KAZN: variants seen among roughly 807,000 people sequenced by gnomAD.
The protein encoded by KAZN is kazrin, periplakin interacting protein.
Under a neutral mutation model 87.4 loss-of-function variants are expected in KAZN, and 40 were observed. That is an observed-to-expected ratio of 0.46 (90% CI 0.36 to 0.60). KAZN has a LOEUF of 0.60. Ranked by LOEUF, KAZN falls within the 20% of genes least tolerant of loss-of-function variation. The pLI is 0.00. For synonymous variants in KAZN, 466 were observed against 458.3 expected, an observed-to-expected ratio of 1.02 and a Z score of -0.22; for missense variants, 898 against 1,073.9, an observed-to-expected ratio of 0.84 and a Z score of 2.29.
At chr1:14,653,601 C>T (rs1557866247) in intron 1 of KAZN, among the ~76,000 whole-genome samples, 1 of 152,108 alleles carries the variant, frequency 6.6e-6, no homozygotes, top group Non-Finnish European at 1.5e-5. Context: ...GGATGAAAAA[C>T]AAAAAACACT....
chr1:14,216,411 G>T (rs79800340), intron 2 of KAZN, among the ~76,000 whole-genome samples: 30 of 152,284 alleles, frequency 2.0e-4, no homozygotes, highest in African/African-American at 7.0e-4. Context: ...AAACTGTTGA[G>T]AGCAGGACCC....
intron 4 of KAZN, among the ~76,000 whole-genome samples, chr1:15,046,705 A>G (rs758841388): frequency 3.9e-5 from 6 of 152,210 alleles, no homozygotes; most frequent in East Asian, 3.9e-4. Flanking sequence ...TCCTTGTCCA[A>G]TGCTGACCCC....
At chr1:14,318,943 A>G (rs899100362) in intron 2 of KAZN, among the ~76,000 whole-genome samples, 3 of 151,788 alleles carry the variant, frequency 2.0e-5, no homozygotes, top group Non-Finnish European at 4.4e-5. Context: ...GTTAAAAACA[A>G]CTTTTAAAAT....
At chr1:14,300,451 G>C (rs1654466613) in intron 2 of KAZN, among the ~76,000 whole-genome samples, 1 of 152,038 alleles carries the variant, frequency 6.6e-6, no homozygotes, top group Non-Finnish European at 1.5e-5. Flanking sequence ...AGCCAGGCTG[G>C]TCTCAAACTC....
rs537395223 is a variant in KAZN at position 14,585,661 on chromosome 1, T to G, written c.250-13322T>G. Reference sequence around the variant, plus strand: ...GGAAAGGTACTCCACCTACTTCAAGTAACGAGGCAAAAGGCAAGATAGATG... The same window carrying G: ...GGAAAGGTACTCCACCTACTTCAAGGAACGAGGCAAAAGGCAAGATAGATG... On this transcript the variant is annotated intron_variant, in intron 2 of 16. Transcript: ENST00000636203. Among the ~76,000 whole-genome samples, 7 of 152,084 alleles carry G rather than the reference T, an allele frequency of 4.6e-5. No individual in the cohort carries two copies. The South Asian group carries it at 1.5e-3, about 32-fold the overall frequency.
chr1:14,675,343 G>T (rs531864233), intron 1 of KAZN, among the ~76,000 whole-genome samples: 1 of 152,240 alleles, frequency 6.6e-6, no homozygotes, highest in African/African-American at 2.4e-5. Flanking sequence ...GAGAGGGCCC[G>T]CAGGGCAACC....
intron 2 of KAZN, among the ~76,000 whole-genome samples, chr1:14,349,675 C>T (rs1658378045): frequency 6.6e-6 from 1 of 152,148 alleles, no homozygotes; most frequent in Admixed American, 6.5e-5. Context: ...ATGAAAGAAA[C>T]AGCCCTACAG....
At position 14,841,265 on chromosome 1, in the gene KAZN, C is replaced by CGTG. The variant is rs778290135; in HGVS notation, c.227-119411_227-119409dup. 1.2e-3 allele frequency among the ~76,000 whole-genome samples: 187 copies of CGTG among 151,772 alleles called. 2 individuals are homozygous for CGTG. In the Middle Eastern group the frequency reaches 0.034, roughly 28 times the overall value. On this transcript the variant is annotated intron_variant, in intron 1 of 14. Coordinates refer to ENST00000376030, the MANE Select transcript of KAZN (RefSeq NM_201628.3). ...CTAAAAATGCAAAAAGTTAGCCAGG[C>CGTG]GTGGTGGTGGGTGCCTATGGTCCCA...
intron 5 of KAZN, among the ~76,000 whole-genome samples, chr1:15,059,847 C>T (rs1282240047): frequency 6.6e-6 from 1 of 152,142 alleles, no homozygotes; most frequent in East Asian, 1.9e-4. Flanking sequence ...AAACATCAAG[C>T]ACTTTCCTGT....
At chr1:14,743,429 C>A (rs201212891) in intron 1 of KAZN, among the ~76,000 whole-genome samples, 175 of 135,388 alleles carry the variant, frequency 1.3e-3, no homozygotes, top group African/African-American at 1.4e-3. Context: ...GACTCTGTCT[C>A]AAAAAAAAAA....
At chr1:13,975,154 G>C (rs1419589492) in intron 1 of KAZN, among the ~76,000 whole-genome samples, 2 of 152,152 alleles carry the variant, frequency 1.3e-5, no homozygotes, top group African/African-American at 2.4e-5. Context: ...ACAGATCATA[G>C]AGTGTGTCAG....
chr1:14,877,587 G>C (rs890554454), intron 1 of KAZN, among the ~76,000 whole-genome samples: 7 of 152,190 alleles, frequency 4.6e-5, no homozygotes, highest in Non-Finnish European at 4.4e-5. Flanking sequence ...CAAAGACTCC[G>C]AAAGCCTGTG....
At position 14,918,707 on chromosome 1, in the gene KAZN, AATATATATATATATATATATATATATAT is replaced by A. The variant is rs201058383; in HGVS notation, c.227-41962_227-41935del. Among the ~76,000 whole-genome samples the A allele has an allele frequency of 2.4e-4, 6 of 24,690 alleles. No individual in the cohort carries two copies. In the South Asian group the frequency reaches 5.4e-3, roughly 22 times the overall value. The allele number at this position is 24,690 out of a possible 152,430, so 16.2% of individuals were successfully genotyped here. A position where few individuals can be genotyped will look rare whatever the true frequency, so the allele number is the denominator to read the frequency against. On this transcript the variant is annotated intron_variant, in intron 1 of 14. Transcript: ENST00000376030. ...AAAAAAAAAAAAAAAAAAAAAAAAAAATATATATATATATATATATATATATATATATATATATATATCCTGGGAGGAA... is the reference window on the plus strand; with the variant it reads ...AAAAAAAAAAAAAAAAAAAAAAAAAAATATATATATATATCCTGGGAGGAA...
In KAZN at chr1:14,649,433, C is replaced by T. The variant is rs551611001; in HGVS notation, c.226+50210C>T. Among the ~76,000 whole-genome samples the T allele has an allele frequency of 2.6e-5, 4 of 152,310 alleles. No individual in the cohort carries two copies. In the East Asian group the frequency reaches 7.7e-4, roughly 29 times the overall value. On this transcript the variant is annotated intron_variant, in intron 1 of 14. Transcript: ENST00000376030. ...GAAGTTTTAACCCAGGCAGTGTTCT[C>T]CAGAGTCGTTGGTCTTGGGAAAATG...
rs181967579 is a variant in KAZN at position 14,728,529 on chromosome 1, G to T, written c.226+129306G>T. On this transcript the variant is annotated intron_variant, in intron 1 of 14. Coordinates refer to ENST00000376030, the MANE Select transcript of KAZN (RefSeq NM_201628.3). ...CTAAGTCTGTAGTAGCCCCAGAGAT[G>T]CTGACTCAGGTCACCTAGGATGGGG... 2.4e-4 allele frequency among the ~76,000 whole-genome samples: 37 copies of T among 152,268 alleles called. No individual in the cohort carries two copies. In the Middle Eastern group the frequency reaches 0.01, roughly 42 times the overall value.
intron 2 of KAZN, among the ~76,000 whole-genome samples, chr1:14,540,998 C>T (rs914648871): frequency 3.9e-5 from 6 of 152,132 alleles, no homozygotes; most frequent in African/African-American, 1.4e-4. Flanking sequence ...AGATCAAATG[C>T]AAATTCTTTA....
At chr1:14,387,611 C>G (rs1279769870) in intron 2 of KAZN, among the ~76,000 whole-genome samples, 1 of 152,144 alleles carries the variant, frequency 6.6e-6, no homozygotes, top group African/African-American at 2.4e-5. Flanking sequence ...GGGGTGCCTC[C>G]CAGTTAGGCT....
At chr1:14,994,575 C>T (rs192141796) in intron 2 of KAZN, among the ~76,000 whole-genome samples, 442 of 152,344 alleles carry the variant, frequency 2.9e-3, no homozygotes, top group Non-Finnish European at 5.1e-3. Context: ...AATTTGGCTG[C>T]ACAGTCTTTT....
At chr1:14,815,539 G>A (rs192555397) in intron 1 of KAZN, among the ~76,000 whole-genome samples, 172 of 152,322 alleles carry the variant, frequency 1.1e-3, no homozygotes, top group African/African-American at 3.9e-3. Context: ...TGTTGATTAT[G>A]ACAGATCTGG....
Sources: allele counts gnomAD v4.1 joint callset (sites outside exome capture counted in the v4.1 genomes callset), GRCh38; gene constraint gnomAD v4.1.1; transcripts MANE v1.5; gene names NCBI Gene and HGNC (gene_info 2026-07-23, HGNC 2026-07-21).